The following RYR1 variants were observed in gnomAD, a reference collection of about 807,000 sequenced individuals.
RYR1 encodes ryanodine receptor 1, also known as central core disease of muscle.
In RYR1, 342 loss-of-function variants were observed where a neutral mutation model predicts 583.5. That is an observed-to-expected ratio of 0.59 (90% CI 0.54 to 0.64). RYR1 has a LOEUF of 0.64. RYR1 is among the 30% of genes least tolerant of loss of function. The probability of loss-of-function intolerance (pLI) is 0.00; values close to 1 mark genes in which losing one functional copy is unlikely to be tolerated. For synonymous variants in RYR1, 2,791 were observed against 2,822.5 expected, an observed-to-expected ratio of 0.99 and a Z score of 0.35; for missense variants, 6,032 against 6,917.2, an observed-to-expected ratio of 0.87 and a Z score of 4.54.
At chr19:38,490,005 C>G (rs1969479542) in intron 35 of RYR1, 71 bp from the exon 36 acceptor site, 4 of 1,505,406 alleles carry the variant, frequency 2.7e-6, no homozygotes, top group Non-Finnish European at 3.7e-6. Flanking sequence ...GGAGAGGAAG[C>G]AAGAGAAGTT....
Position 38,463,773 on chromosome 19 carries a change from C to G in RYR1, c.2709C>G (p.His903Gln), listed in dbSNP as rs1007637405. Residue 903 changes from histidine to glutamine, a missense_variant, in exon 22 of 106, where the codon CAC becomes CAG. His to Gln is a conservative substitution (Grantham distance 24, BLOSUM62 0). Around this residue, in one of 11 missense-constraint regions of RYR1, gnomAD observed 2,627 missense variants for 2,961.3 expected, o/e 0.89. Coordinates refer to ENST00000359596, the MANE Select transcript of RYR1 (RefSeq NM_000540.3). ...GPVRDDNKRL[H>Q]PCLVDFHSLP... ...TTCGGGATGACAACAAGAGGCTGCA[C>G]CCGTGTCTTGTGGACTTCCACAGCC... 5 of 1,613,948 alleles carry G rather than the reference C, an allele frequency of 3.1e-6. No homozygotes were observed. In the Admixed American group the frequency reaches 5.0e-5, roughly 16 times the overall value.
chr19:38,526,917 C>G (rs965734378), intron 71 of RYR1, 76 bp from the exon 72 acceptor site: 121 of 1,510,980 alleles, frequency 8.0e-5, no homozygotes, highest in Non-Finnish European at 9.8e-5. Context: ...GGGTGCTGGG[C>G]CTGGAAGGAA....
intron 65 of RYR1, among the ~76,000 whole-genome samples, 192 bp from the exon 66 acceptor site, chr19:38,517,167 G>A (rs1343987606): frequency 1.3e-5 from 2 of 152,012 alleles, no homozygotes; most frequent in Non-Finnish European, 2.9e-5. Flanking sequence ...AGTGTTTGCG[G>A]GGCCACTGAG....
chr19:38,483,017 C>G lies in RYR1; in HGVS notation c.4621-10C>G, dbSNP rs552821801. ...CCGTTTGCTCACCTCGTCCTCTTCT[C>G]CTCTGCCAGGTGGAACCCAACACTA... is the stretch of plus-strand genomic sequence containing the variant. On this transcript the variant is annotated splice_polypyrimidine_tract_variant and intron_variant, in intron 31 of 105. Coordinates refer to ENST00000359596, the MANE Select transcript of RYR1 (RefSeq NM_000540.3). The surrounding 1 kb of genome is among the most constrained non-coding windows in gnomAD (Gnocchi z 6.3). The G allele has an allele frequency of 1.9e-6, 3 of 1,613,380 alleles. No homozygotes were observed. Among genetic ancestry groups the G allele is most frequent in the East Asian group, 4.5e-5 (2 of 44,876 alleles).
At position 38,448,273 on chromosome 19, in the gene RYR1, A is replaced by G. The variant is rs147685023; in HGVS notation, c.801-82A>G. ...ATAGCAAGACCTGGTTTCTGTAAAAAAAAGAAAAAGAAGAAAAGACTGTAA... is the reference window on the plus strand; with the variant it reads ...ATAGCAAGACCTGGTTTCTGTAAAAGAAAGAAAAAGAAGAAAAGACTGTAA... On this transcript the variant is annotated intron_variant, in intron 9 of 105. Transcript: ENST00000359596. The G allele has an allele frequency of 3.5e-4, 523 of 1,488,030 alleles. No individual in the cohort carries two copies. In the African/African-American group the frequency reaches 5.6e-3, roughly 16 times the overall value. The allele number at this position is 1,488,030 out of a possible 1,614,324, so 92.2% of individuals were successfully genotyped here.
intron 90 of RYR1, among the ~76,000 whole-genome samples, chr19:38,564,369 C>G (rs1973288287): frequency 6.6e-6 from 1 of 152,050 alleles, no homozygotes; most frequent in Admixed American, 6.6e-5. Context: ...ACTGAAAATT[C>G]AAAAACTCAG....
At chr19:38,525,590 C>A in intron 71 of RYR1, 88 bp downstream of exon 71, 1 of 1,388,328 alleles carries the variant, frequency 7.2e-7, no homozygotes, top group Non-Finnish European at 1.0e-6. Context: ...AACCACAATG[C>A]CACTGAGCCC....
Position 38,561,183 on chromosome 19 carries a change from A to C in RYR1, c.12353A>C (p.Glu4118Ala). The change falls in exon 90 of 106, where the codon GAG (glutamate) becomes GCG (alanine). Residue 4118 changes from glutamate to alanine, a missense_variant. Transcript: ENST00000359596. The surrounding 1 kb of genome is among the most constrained non-coding windows in gnomAD (Gnocchi z 4.8). ...QFLLSCSEADENEMINCEEFA... is the reference protein window; with the variant it reads ...QFLLSCSEADANEMINCEEFA... ...CTGCTTTCGTGCTCCGAAGCGGATG[A>C]GAACGAAATGATCAACTGCGAAGAG... is the stretch of plus-strand genomic sequence containing the variant. 6.2e-7 allele frequency: 1 copy of C among 1,614,198 alleles called. No homozygotes were observed. The highest frequency in any genetic ancestry group is 2.2e-5 in the East Asian group (1 of 44,890).
At chr19:38,505,578 G>A (rs1970406781) in intron 53 of RYR1, among the ~76,000 whole-genome samples, 180 bp downstream of exon 53, 1 of 152,216 alleles carries the variant, frequency 6.6e-6, no homozygotes, top group Non-Finnish European at 1.5e-5. Flanking sequence ...CTCCGAGAGA[G>A]TGGGTTTGAT....
Position 38,573,182 on chromosome 19 carries a change from C to A in RYR1, c.14004C>A (p.Pro4668=). The A allele has an allele frequency of 6.2e-7, 1 of 1,613,826 alleles. No homozygotes were observed. Among genetic ancestry groups the A allele is most frequent in the South Asian group, 1.1e-5 (1 of 91,070 alleles). ...GGCCTCCTCCCACTATCCAGGTGCC[C>A]CTGGTAATCTTTAAGCGGGAGAAGG... is the stretch of plus-strand genomic sequence containing the variant. ...CIIGYNCLKV[P]LVIFKREKEL... Residue 4668 remains proline, a synonymous_variant, in exon 96 of 106, where the codon CCC becomes CCA. Coordinates refer to ENST00000359596, the MANE Select transcript of RYR1 (RefSeq NM_000540.3).
In RYR1 at chr19:38,455,230, C is replaced by T. The variant is rs1353788682; in HGVS notation, c.1441-5C>T. 3 of 1,613,890 alleles carry T rather than the reference C, an allele frequency of 1.9e-6. No individual in the cohort carries two copies. Among genetic ancestry groups the T allele is most frequent in the East Asian group, 2.2e-5 (1 of 44,894 alleles). On this transcript the variant is annotated splice_region_variant and splice_polypyrimidine_tract_variant and intron_variant, in intron 13 of 105. Transcript: ENST00000359596. ...TTGTGATGCCTCTTATTTTCCTCATCCTAGGGGATGCTCTCCATGGTCCTG... is the reference window on the plus strand; with the variant it reads ...TTGTGATGCCTCTTATTTTCCTCATTCTAGGGGATGCTCTCCATGGTCCTG...
rs773766138 is a variant in RYR1, at chr19:38,505,420, G to A, written c.8400+22G>A. ...GAAGGTGACCAGGCCTTGGGGCCCA[G>A]CATTGAGGGTCAAAATGAAACCCCC... On this transcript the variant is annotated intron_variant, in intron 53 of 105. Transcript: ENST00000359596. 9 of 1,542,388 alleles carry A rather than the reference G, an allele frequency of 5.8e-6. No homozygotes were observed. In the African/African-American group the frequency reaches 6.8e-5, roughly 12 times the overall value.
chr19:38,501,074 CTTTTGT>C, intron 47 of RYR1, 84 bp downstream of exon 47: 1 of 1,395,234 alleles, frequency 7.2e-7, no homozygotes, highest in Non-Finnish European at 9.9e-7. Context: ...GCAGCAGCTG[CTTTTGT>C]TTTTCTTGGG....
intron 3 of RYR1, 32 bp from the exon 4 acceptor site, chr19:38,443,526 G>A (rs1972792980): frequency 1.9e-6 from 3 of 1,600,374 alleles, no homozygotes; most frequent in Middle Eastern, 1.6e-4. Context: ...CCGGGGATCT[G>A]TGCTTATTCT....
intron 76 of RYR1, among the ~76,000 whole-genome samples, chr19:38,530,379 C>T (rs955100229): frequency 1.3e-5 from 2 of 151,960 alleles, no homozygotes; most frequent in African/African-American, 4.8e-5. Flanking sequence ...ATCCTCCTGC[C>T]TCAACCTCCT....
At chr19:38,522,927 A>G (rs1440188343) in intron 67 of RYR1, 101 bp from the exon 68 acceptor site, 11 of 935,594 alleles carry the variant, frequency 1.2e-5, no homozygotes, top group Middle Eastern at 3.1e-4. Context: ...CTCTGACTGG[A>G]TGTCTCCTGG....
chr19:38,469,600 T>TC, intron 27 of RYR1, 87 bp downstream of exon 27: 1 of 1,356,624 alleles, frequency 7.4e-7, no homozygotes, highest in Non-Finnish European at 1.0e-6. Context: ...CTCTTTTCCC[T>TC]CCATGTTAGG....
At position 38,580,934 on chromosome 19, in the gene RYR1, G is replaced by A. The variant is rs1324667691; in HGVS notation, c.14646+430G>A. ...TTTTTTTTTGAGATGGAGTCTCACT[G>A]TGTTGCCAGGCTAGAGTGCAGTGGC... On this transcript the variant is annotated intron_variant, in intron 101 of 105. Coordinates refer to ENST00000359596, the MANE Select transcript of RYR1 (RefSeq NM_000540.3). Among the ~76,000 whole-genome samples the A allele has an allele frequency of 2.8e-5, 4 of 142,838 alleles. No individual in the cohort carries two copies. The East Asian group carries it at 8.1e-4, about 29-fold the overall frequency. 93.7% of individuals were successfully genotyped at this position (142,838 alleles called of 152,430 possible).
chr19:38,454,391 T>G (rs370499731), intron 13 of RYR1, among the ~76,000 whole-genome samples: 3 of 152,344 alleles, frequency 2.0e-5, no homozygotes, highest in East Asian at 1.9e-4. Context: ...CCAAGTGTAG[T>G]GCTGAAGTGC....
Sources: gnomAD v4.1 joint callset for allele counts (sites outside exome capture counted in the v4.1 genomes callset) on GRCh38, gnomAD v4.1.1 for gene constraint, gnomAD v4.1.1 regional missense constraint, Gnocchi (gnomAD v3.1) non-coding constraint, MANE v1.5 for transcripts, NCBI Gene and HGNC (gene_info 2026-07-23, HGNC 2026-07-21) for gene names.